ETFDH: variants seen among roughly 807,000 people sequenced by gnomAD.
ETFDH encodes the protein electron transfer flavoprotein-ubiquinone oxidoreductase, mitochondrial.
A neutral mutation model predicts 73.2 loss-of-function variants in ETFDH; 61 were observed. The observed-to-expected ratio is 0.83, with a 90% CI of 0.68 to 1.03. The LOEUF is 1.03. Ranked by LOEUF, ETFDH falls within the 50% of genes least tolerant of loss-of-function variation. The probability of loss-of-function intolerance (pLI) is 0.00; values close to 1 mark genes in which losing one functional copy is unlikely to be tolerated. For missense variants in ETFDH, 685 were observed against 745.0 expected, an observed-to-expected ratio of 0.92 and a Z score of 0.94; for synonymous variants, 243 against 253.3, an observed-to-expected ratio of 0.96 and a Z score of 0.39.
rs1188056766 is a variant in ETFDH, at chr4:158,706,229, A to T, written c.1326A>T (p.Ser442=). 23 of 1,612,584 alleles carry T rather than the reference A, an allele frequency of 1.4e-5. No individual in the cohort carries two copies. The highest frequency in any genetic ancestry group is 2.0e-5 in the Non-Finnish European group (23 of 1,178,648). The part of the protein sequence containing the change: ...VTEYEDNLKN[S]WVWKELYSVR... ...AATATGAGGACAATTTGAAGAACTC[A>T]TGGGTATGGAAAGAGCTATATTCTG... Residue 442 remains serine (S), a synonymous_variant, in exon 11 of 13, where the codon TCA becomes TCT. Coordinates refer to ENST00000511912, the MANE Select transcript of ETFDH (RefSeq NM_004453.4).
At position 158,672,373 on chromosome 4, in the gene ETFDH, C is replaced by T. The variant is rs1561232941; in HGVS notation, c.-84C>T. The T allele has an allele frequency of 1.4e-6, 2 of 1,449,852 alleles. No homozygotes were observed. Among genetic ancestry groups the T allele is most frequent in the South Asian group, 1.1e-5 (1 of 87,682 alleles). The allele number at this position is 1,449,852 out of a possible 1,614,324, so 89.8% of individuals were successfully genotyped here. A position where few individuals can be genotyped will look rare whatever the true frequency, so the allele number is the denominator to read the frequency against. On this transcript the variant is annotated 5_prime_UTR_variant, in exon 1 of 13. Transcript: ENST00000511912. ...GCTTTCCGGCAGGTGATGGCGCCCCCCGCGGCCTAGAGGTCCAGCGCCCGC... is the reference window on the plus strand; with the variant it reads ...GCTTTCCGGCAGGTGATGGCGCCCCTCGCGGCCTAGAGGTCCAGCGCCCGC...
In ETFDH at chr4:158,682,374, C is replaced by T. The variant is rs766453463; in HGVS notation, c.355C>T (p.Leu119Phe). 1 of 1,614,086 alleles carries T rather than the reference C, an allele frequency of 6.2e-7. No individual in the cohort carries two copies. Among genetic ancestry groups the T allele is most frequent in the Non-Finnish European group, 8.5e-7 (1 of 1,180,008 alleles). ...IGAHTLSGAC[L>F]DPGAFKELFP... The stretch of plus-strand genomic sequence containing the variant: ...AGCTCATACTCTCTCAGGGGCTTGC[C>T]TTGATCCAGGTGCTTTTAAAGAACT... Residue 119 changes from leucine to phenylalanine, a missense_variant, in exon 3 of 13, where the codon CTT becomes TTT. This residue lies in a region of ETFDH where 405 missense variants were observed against 399.3 expected (regional missense o/e 1.01). Transcript: ENST00000511912.
intron 9 of ETFDH, among the ~76,000 whole-genome samples, chr4:158,701,240 A>C (rs1351333753): frequency 6.6e-6 from 1 of 152,152 alleles, no homozygotes; most frequent in Non-Finnish European, 1.5e-5. Context: ...CCTTTTATTA[A>C]ATTTCACATT....
At chr4:158,706,419 A>G in intron 11 of ETFDH, 48 bp downstream of exon 11, 2 of 1,415,428 alleles carry the variant, frequency 1.4e-6, no homozygotes, top group African/African-American at 2.8e-5. Flanking sequence ...AAATTCATGA[A>G]TGGGATCTGT....
Position 158,682,304 on chromosome 4 carries a change from A to G in ETFDH, c.285A>G (p.Glu95=), listed in dbSNP as rs201268972. 15 of 1,614,184 alleles carry G rather than the reference A, an allele frequency of 9.3e-6. No individual in the cohort carries two copies. In the East Asian group the frequency reaches 3.1e-4, roughly 34 times the overall value. ...VRLKQLAVAH[E]KDIRVCLVEK... ...TAAAACAGTTGGCTGTGGCACATGA[A>G]AAGGACATCCGTGTGTGTCTAGTGG... Residue 95 remains glutamate, a synonymous_variant, in exon 3 of 13, where the codon GAA becomes GAG. Coordinates refer to ENST00000511912, the MANE Select transcript of ETFDH (RefSeq NM_004453.4).
rs2150306625 is a variant in ETFDH at position 158,685,193 on chromosome 4, G to GTA, written c.583_584dup (p.Pro196ThrfsTer17). 1 of 1,606,076 alleles carries GTA rather than the reference G, an allele frequency of 6.2e-7. No homozygotes were observed. The highest frequency in any genetic ancestry group is 1.7e-5 in the Admixed American group (1 of 60,002). On this transcript the variant is annotated frameshift_variant, in exon 5 of 13. Coordinates refer to ENST00000511912, the MANE Select transcript of ETFDH (RefSeq NM_004453.4). LOFTEE classifies it high-confidence loss of function. ...ACAAGCAGAAGCCCTTGGTGTTGAA[G>GTA]TATACCCTGGTTATGCAGCTGCTGA...
intron 6 of ETFDH, among the ~76,000 whole-genome samples, chr4:158,692,360 A>G (rs557821938): frequency 6.8e-6 from 1 of 147,170 alleles, no homozygotes; most frequent in Non-Finnish European, 1.5e-5. Flanking sequence ...AGATCACACC[A>G]CTGCACTCCA....
intron 1 of ETFDH, among the ~76,000 whole-genome samples, chr4:158,675,415 CT>C (rs1244705344): frequency 6.6e-6 from 1 of 152,136 alleles, no homozygotes; most frequent in Non-Finnish European, 1.5e-5. Flanking sequence ...GGATATATCA[CT>C]TCTTACCATT....
intron 6 of ETFDH, among the ~76,000 whole-genome samples, chr4:158,691,729 G>A (rs76548292): frequency 0.012 from 1,772 of 152,222 alleles, 27 homozygotes; most frequent in African/African-American, 0.038. Flanking sequence ...ATAATTTTCA[G>A]GTTTTCACAT....
chr4:158,701,468 C>A (rs757034005), intron 9 of ETFDH, among the ~76,000 whole-genome samples: 10 of 152,200 alleles, frequency 6.6e-5, no homozygotes, highest in Admixed American at 6.5e-5. Flanking sequence ...GTCATAAATT[C>A]ATTCCCCACA....
At chr4:158,700,576 A>ACACACACACACACACG (rs1554033087) in intron 9 of ETFDH, 1,101 of 64,156 alleles carry the variant, frequency 0.017, 10 homozygotes, top group African/African-American at 0.04. Context: ...ACACACGCAC[A>ACACACACACACACACG]CACACACACA....
At chr4:158,693,913 G>A (rs6852133) in intron 6 of ETFDH, among the ~76,000 whole-genome samples, 145,033 of 152,286 alleles carry the variant, frequency 0.95, 69,420 homozygotes, top group East Asian at 1. Context: ...TTAACAATTC[G>A]TAGAAGAACA....
intron 1 of ETFDH, among the ~76,000 whole-genome samples, chr4:158,677,034 G>A (rs760507958): frequency 1.3e-5 from 2 of 152,140 alleles, no homozygotes; most frequent in Non-Finnish European, 2.9e-5. Flanking sequence ...GGTATCCTTT[G>A]ATGCACAAAA....
At chr4:158,685,720 A>G (rs935286893) in intron 5 of ETFDH, among the ~76,000 whole-genome samples, 2 of 152,216 alleles carry the variant, frequency 1.3e-5, no homozygotes, top group Non-Finnish European at 2.9e-5. Context: ...GAGAAGAAGC[A>G]TAGAGATTTA....
intron 1 of ETFDH, among the ~76,000 whole-genome samples, chr4:158,676,899 G>A (rs563671475): frequency 6.6e-6 from 1 of 151,926 alleles, no homozygotes; most frequent in African/African-American, 2.4e-5. Context: ...TTTTTAATTG[G>A]ATTATTTGTC....
intron 7 of ETFDH, 82 bp downstream of exon 7, chr4:158,695,725 G>C (rs1580412068): frequency 4.4e-6 from 4 of 917,452 alleles, no homozygotes; most frequent in Middle Eastern, 2.4e-4. Context: ...TTATAATACT[G>C]ATTTAATTTT....
At chr4:158,673,425 G>A (rs577470648) in intron 1 of ETFDH, among the ~76,000 whole-genome samples, 8 of 152,280 alleles carry the variant, frequency 5.3e-5, no homozygotes, top group African/African-American at 1.7e-4. Context: ...TGTTGTTGTC[G>A]TTAATTCAAA....
intron 10 of ETFDH, among the ~76,000 whole-genome samples, chr4:158,704,637 G>A (rs1774558812): frequency 6.6e-6 from 1 of 152,112 alleles, no homozygotes; most frequent in East Asian, 1.9e-4. Context: ...TTTGTCTTCT[G>A]CCACTTGGAT....
chr4:158,699,729 C>T (rs1317919692), intron 9 of ETFDH, among the ~76,000 whole-genome samples: 1 of 152,204 alleles, frequency 6.6e-6, no homozygotes, highest in Non-Finnish European at 1.5e-5. Context: ...TTTCAGCAAA[C>T]ATAATTCATT....
Sources: allele counts gnomAD v4.1 joint callset (sites outside exome capture counted in the v4.1 genomes callset), GRCh38; gene constraint gnomAD v4.1.1; regional missense constraint gnomAD v4.1.1; transcripts MANE v1.5; gene names NCBI Gene and HGNC (gene_info 2026-07-23, HGNC 2026-07-21).